FARS2: variants seen among roughly 807,000 people sequenced by gnomAD.
FARS2 encodes the protein phenylalanine--tRNA ligase, mitochondrial.
FARS2 carries 40 observed loss-of-function variants against 46.4 expected under a neutral mutation model. That is an observed-to-expected ratio of 0.86 (90% CI 0.67 to 1.12). The LOEUF is 1.12. Ranked by LOEUF, FARS2 falls within the 50% of genes most tolerant of loss-of-function variation. The pLI, the probability that FARS2 is intolerant of heterozygous loss-of-function variation, is 0.00. For missense variants in FARS2, 513 were observed against 567.9 expected, an observed-to-expected ratio of 0.90 and a Z score of 0.98; for synonymous variants, 234 against 214.9, an observed-to-expected ratio of 1.09 and a Z score of -0.78.
intron 3 of FARS2, 152 bp downstream of exon 3, chr6:5,404,853 A>G (rs1475383567): frequency 3.8e-6 from 2 of 521,022 alleles, no homozygotes; most frequent in Non-Finnish European, 3.1e-6. Flanking sequence ...AGGCTGGAGT[A>G]TAGTGGTGCG....
intron 4 of FARS2, among the ~76,000 whole-genome samples, chr6:5,486,853 A>G (rs1410599505): frequency 6.6e-6 from 1 of 152,128 alleles, no homozygotes; most frequent in Non-Finnish European, 1.5e-5. Flanking sequence ...CTGTGAAGAG[A>G]GATCATGGTT....
At chr6:5,679,230 G>C (rs1290647192) in intron 6 of FARS2, among the ~76,000 whole-genome samples, 1 of 152,098 alleles carries the variant, frequency 6.6e-6, no homozygotes, top group African/African-American at 2.4e-5. Context: ...TGCTTTCTAG[G>C]GGTGATACCC....
intron 2 of FARS2, among the ~76,000 whole-genome samples, chr6:5,395,112 G>A (rs2127700573): frequency 6.6e-6 from 1 of 152,250 alleles, no homozygotes; most frequent in South Asian, 2.1e-4. Context: ...GTGCAATGGT[G>A]TGATCTTGGC....
intron 6 of FARS2, among the ~76,000 whole-genome samples, chr6:5,731,936 C>A (rs180988560): frequency 6.6e-6 from 1 of 152,176 alleles, no homozygotes; most frequent in East Asian, 1.9e-4. Context: ...TCACGCAGCC[C>A]GAGCTAGGAG....
chr6:5,466,830 G>A lies in FARS2; in HGVS notation c.904+35658G>A, dbSNP rs1229559978. The A allele has an allele frequency of 4.1e-6, 4 of 985,444 alleles. No homozygotes were observed. In the South Asian group the frequency reaches 1.9e-4, roughly 46 times the overall value. 61.0% of individuals were successfully genotyped at this position (985,444 alleles called of 1,614,324 possible). On this transcript the variant is annotated intron_variant, in intron 4 of 6. Coordinates refer to ENST00000274680, the MANE Select transcript of FARS2 (RefSeq NM_006567.5). Reference sequence around the variant, plus strand: ...CCACCTCTGAGAAGCACTGAGTTGGGAATGGAGCCCATTTGGAGTCAGCAG... The same window carrying A: ...CCACCTCTGAGAAGCACTGAGTTGGAAATGGAGCCCATTTGGAGTCAGCAG...
intron 1 of FARS2, among the ~76,000 whole-genome samples, chr6:5,304,954 A>G (rs1268786177): frequency 6.6e-6 from 1 of 152,172 alleles, no homozygotes; most frequent in Non-Finnish European, 1.5e-5. Flanking sequence ...TTGGAGGCGA[A>G]GGTGGAAGTC....
chr6:5,650,334 A>G (rs537423708), intron 6 of FARS2, among the ~76,000 whole-genome samples: 3 of 149,240 alleles, frequency 2.0e-5, no homozygotes, highest in South Asian at 2.1e-4. Context: ...TATGTACATC[A>G]TGGAAGAGAG....
chr6:5,557,940 C>T (rs9405847), intron 5 of FARS2, among the ~76,000 whole-genome samples: 66,288 of 151,820 alleles, frequency 0.44, 17,934 homozygotes, highest in Non-Finnish European at 0.61. Context: ...ATTCAACTGA[C>T]TTAACTATAT....
At chr6:5,275,147 C>G (rs966257109) in intron 1 of FARS2, among the ~76,000 whole-genome samples, 2 of 152,166 alleles carry the variant, frequency 1.3e-5, no homozygotes, top group Non-Finnish European at 2.9e-5. Flanking sequence ...GGGATATTTT[C>G]TTTCTTTTTC....
At chr6:5,650,309 A>T (rs927547899) in intron 6 of FARS2, among the ~76,000 whole-genome samples, 3 of 147,466 alleles carry the variant, frequency 2.0e-5, no homozygotes, top group African/African-American at 7.6e-5. Flanking sequence ...ACCCAAAGAA[A>T]TGTTCCTTAA....
At chr6:5,598,849 T>A (rs1774349549) in intron 5 of FARS2, among the ~76,000 whole-genome samples, 1 of 152,182 alleles carries the variant, frequency 6.6e-6, no homozygotes, top group Non-Finnish European at 1.5e-5. Context: ...TTCTGTGAGA[T>A]TTGGATGTTT....
At chr6:5,275,529 G>T (rs992554733) in intron 1 of FARS2, among the ~76,000 whole-genome samples, 1 of 152,122 alleles carries the variant, frequency 6.6e-6, no homozygotes, top group Non-Finnish European at 1.5e-5. Context: ...GAGGCATAGT[G>T]CCTACTAAGT....
At chr6:5,348,410 AC>A (rs1443382035) in intron 1 of FARS2, among the ~76,000 whole-genome samples, 2 of 150,974 alleles carry the variant, frequency 1.3e-5, no homozygotes, top group African/African-American at 4.9e-5. Context: ...TGCTGCTGTT[AC>A]CCTGGCTTAC....
At chr6:5,357,366 C>CA (rs1260571342) in intron 1 of FARS2, among the ~76,000 whole-genome samples, 1 of 152,048 alleles carries the variant, frequency 6.6e-6, no homozygotes, top group East Asian at 1.9e-4. Flanking sequence ...ACATATTGTC[C>CA]AAAACATTGT....
At chr6:5,323,921 A>G (rs767383994) in intron 1 of FARS2, among the ~76,000 whole-genome samples, 12 of 152,138 alleles carry the variant, frequency 7.9e-5, no homozygotes, top group Non-Finnish European at 1.8e-4. Flanking sequence ...ACCAGAGACA[A>G]TTATAGCCCC....
At chr6:5,493,518 C>G (rs917653007) in intron 4 of FARS2, among the ~76,000 whole-genome samples, 2 of 152,260 alleles carry the variant, frequency 1.3e-5, no homozygotes, top group Middle Eastern at 3.4e-3. Flanking sequence ...AATGGAAAGT[C>G]AAAGTCGCAG....
At chr6:5,530,833 T>A (rs1769780929) in intron 4 of FARS2, among the ~76,000 whole-genome samples, 1 of 147,456 alleles carries the variant, frequency 6.8e-6, no homozygotes, top group Admixed American at 6.8e-5. Flanking sequence ...TGGAGATATA[T>A]TTATAAATAT....
chr6:5,683,683 A>G (rs1779149872), intron 6 of FARS2, among the ~76,000 whole-genome samples: 1 of 151,522 alleles, frequency 6.6e-6, no homozygotes, highest in South Asian at 2.1e-4. Context: ...TACATGTGCC[A>G]TGGTGGTTTG....
chr6:5,684,149 C>T (rs1018896851), intron 6 of FARS2, among the ~76,000 whole-genome samples: 25 of 152,246 alleles, frequency 1.6e-4, no homozygotes, highest in South Asian at 6.2e-4. Context: ...CTTTGTCAAC[C>T]GCTTAAAGCC....
Sources: gnomAD v4.1 joint callset for allele counts (sites outside exome capture counted in the v4.1 genomes callset) on GRCh38, gnomAD v4.1.1 for gene constraint, MANE v1.5 for transcripts, NCBI Gene and HGNC (gene_info 2026-07-23, HGNC 2026-07-21) for gene names.